Variants in CTDSPL2 observed in about 807,000 individuals in gnomAD.
CTDSPL2 encodes the protein CTD small phosphatase-like protein 2.
In CTDSPL2, 5 loss-of-function variants were observed where a neutral mutation model predicts 60.0. That is an observed-to-expected ratio of 0.08 (90% CI 0.04 to 0.18). The LOEUF (loss-of-function observed/expected upper bound fraction) is 0.18, where lower values mean the gene tolerates loss of function less well. Among genes scored for constraint, CTDSPL2 ranks in the 10% least tolerant of loss-of-function variants. The probability of loss-of-function intolerance (pLI) is 1.00; values close to 1 mark genes in which losing one functional copy is unlikely to be tolerated. For synonymous variants in CTDSPL2, 186 were observed against 189.3 expected (o/e 0.98, Z 0.14); for missense variants, 370 against 548.8 (o/e 0.67, Z 3.26).
intron 7 of CTDSPL2, among the ~76,000 whole-genome samples, chr15:44,499,359 C>T (rs1020732212): frequency 6.6e-6 from 1 of 152,020 alleles, no homozygotes; most frequent in Non-Finnish European, 1.5e-5. Context: ...GAGCTGAGAT[C>T]GCACCACTGC....
Position 44,486,716 on chromosome 15 carries a change from T to G in CTDSPL2, c.475+16T>G. On this transcript the variant is annotated intron_variant, in intron 4 of 12. Coordinates refer to ENST00000260327, the MANE Select transcript of CTDSPL2 (RefSeq NM_016396.3). The stretch of plus-strand genomic sequence containing the variant: ...AATAAAAATGGTAAGTATAAACTGT[T>G]AACTGTGATTTGGATTTTTTTTAAA... The G allele has an allele frequency of 1.3e-6, 2 of 1,497,972 alleles. No homozygotes were observed. Among genetic ancestry groups the G allele is most frequent in the Middle Eastern group, 1.7e-4 (1 of 5,726 alleles). 92.8% of individuals were successfully genotyped at this position (1,497,972 alleles called of 1,614,324 possible). A position where few individuals can be genotyped will look rare whatever the true frequency, so the allele number is the denominator to read the frequency against.
Position 44,526,468 on chromosome 15 carries a change from GGA to G in CTDSPL2, c.*2298_*2299del, listed in dbSNP as rs1365364966. On this transcript the variant is annotated 3_prime_UTR_variant, in exon 13 of 13. Transcript: ENST00000260327. ...TAAAGTTGTTTTCAGTCCCACACTAGGAGAGTTCCTTTAAGTCAGCTGATCAA... is the reference window on the plus strand; with the variant it reads ...TAAAGTTGTTTTCAGTCCCACACTAGGAGTTCCTTTAAGTCAGCTGATCAA... 6.6e-6 allele frequency: 1 copy of G among 152,084 alleles called. No individual in the cohort carries two copies. Among genetic ancestry groups the G allele is most frequent in the African/African-American group, 2.4e-5 (1 of 41,442 alleles). 9.4% of individuals were successfully genotyped at this position (152,084 alleles called of 1,614,324 possible). A position where few individuals can be genotyped will look rare whatever the true frequency, so the allele number is the denominator to read the frequency against.
chr15:44,458,430 A>T (rs2080494138), intron 1 of CTDSPL2, among the ~76,000 whole-genome samples: 1 of 152,208 alleles, frequency 6.6e-6, no homozygotes, highest in African/African-American at 2.4e-5. Context: ...AAATGTGGTA[A>T]GATAGGACTT....
intron 1 of CTDSPL2, among the ~76,000 whole-genome samples, chr15:44,456,707 A>AT (rs201709565): frequency 0.04 from 6,091 of 151,246 alleles, 167 homozygotes; most frequent in East Asian, 0.1. Flanking sequence ...GGATTCATTG[A>AT]TTTTTTTTAA....
rs575768213 is a variant in CTDSPL2, at chr15:44,499,879, A to G, written c.969+66A>G. The G allele has an allele frequency of 5.7e-6, 5 of 872,268 alleles. No homozygotes were observed. In the African/African-American group the frequency reaches 6.7e-5, roughly 12 times the overall value. The allele number at this position is 872,268 out of a possible 1,614,324, so 54.0% of individuals were successfully genotyped here. On this transcript the variant is annotated intron_variant, in intron 8 of 12. Coordinates refer to ENST00000260327, the MANE Select transcript of CTDSPL2 (RefSeq NM_016396.3). ...ACATTCTGATAAAAAAAACTTTTGT[A>G]TTTTTTTTGTGTGTATGTGACATTA...
chr15:44,512,632 T>G (rs1403568246), intron 8 of CTDSPL2, among the ~76,000 whole-genome samples: 1 of 152,236 alleles, frequency 6.6e-6, no homozygotes, highest in East Asian at 1.9e-4. Flanking sequence ...GGCTACAAAC[T>G]ACACCAAATG....
Position 44,528,005 on chromosome 15 carries a change from CTTAAG to C in CTDSPL2, c.*3835_*3839del, listed in dbSNP as rs1388515357. 1.3e-5 allele frequency: 2 copies of C among 152,238 alleles called. No individual in the cohort carries two copies. Among genetic ancestry groups the C allele is most frequent in the East Asian group, 1.9e-4 (1 of 5,186 alleles). 9.4% of individuals were successfully genotyped at this position (152,238 alleles called of 1,614,324 possible). ...CTCAGTATCTTATATTTAAATGCTA[CTTAAG>C]TTATTATTGGAATCCAAGTCTCACT... On this transcript the variant is annotated 3_prime_UTR_variant, in exon 13 of 13. Transcript: ENST00000260327.
chr15:44,497,001 A>C, intron 6 of CTDSPL2, 26 bp from the exon 7 acceptor site: 2 of 1,396,284 alleles, frequency 1.4e-6, no homozygotes, highest in Non-Finnish European at 2.0e-6. Flanking sequence ...TAAAATGTTG[A>C]AATTTTCTTA....
intron 1 of CTDSPL2, among the ~76,000 whole-genome samples, chr15:44,458,016 A>G (rs936720488): frequency 1.3e-5 from 2 of 152,344 alleles, no homozygotes; most frequent in Non-Finnish European, 2.9e-5. Context: ...GAATTTCTGT[A>G]CATTTAGAGT....
At chr15:44,455,176 C>T (rs1485802854) in intron 1 of CTDSPL2, among the ~76,000 whole-genome samples, 1 of 152,178 alleles carries the variant, frequency 6.6e-6, no homozygotes, top group Non-Finnish European at 1.5e-5. Context: ...ATTTTATTCT[C>T]TTTGAAGCAA....
chr15:44,454,558 A>G lies in CTDSPL2; in HGVS notation c.-24-4433A>G, dbSNP rs141322737. 4.0e-3 allele frequency among the ~76,000 whole-genome samples: 612 copies of G among 152,270 alleles called. 15 individuals are homozygous for G. The highest frequency in any genetic ancestry group is 0.038 in the East Asian group (198 of 5,184). ...TTTCTTCTAGGGTTTTTATGGTTTT[A>G]GGTTTAACATTTAAGTCTTGAATCC... On this transcript the variant is annotated intron_variant, in intron 1 of 12. Transcript: ENST00000260327.
chr15:44,506,412 C>CTT lies in CTDSPL2; in HGVS notation c.969+6619_969+6620dup, dbSNP rs764238056. Among the ~76,000 whole-genome samples, 237 of 112,380 alleles carry CTT rather than the reference C, an allele frequency of 2.1e-3. 5 individuals are homozygous for CTT. The highest frequency in any genetic ancestry group is 6.7e-3 in the African/African-American group (184 of 27,380). 73.7% of individuals were successfully genotyped at this position (112,380 alleles called of 152,430 possible). A position where few individuals can be genotyped will look rare whatever the true frequency, so the allele number is the denominator to read the frequency against. ...TAAGCTTCATTTTATCCTACTTTGACTTTTTTTTTTTTTTTTTTTTTGGAG... is the reference window on the plus strand; with the variant it reads ...TAAGCTTCATTTTATCCTACTTTGACTTTTTTTTTTTTTTTTTTTTTTTGGAG... On this transcript the variant is annotated intron_variant, in intron 8 of 12. Coordinates refer to ENST00000260327, the MANE Select transcript of CTDSPL2 (RefSeq NM_016396.3).
chr15:44,471,866 T>C (rs189998690), intron 2 of CTDSPL2, among the ~76,000 whole-genome samples: 4 of 152,182 alleles, frequency 2.6e-5, no homozygotes, highest in Admixed American at 6.5e-5. Flanking sequence ...GAAACCATAG[T>C]CTATTATGTC....
chr15:44,431,397 C>T (rs2079854445), intron 1 of CTDSPL2, among the ~76,000 whole-genome samples: 1 of 152,198 alleles, frequency 6.6e-6, no homozygotes, highest in Admixed American at 6.5e-5. Context: ...TGTATGACTA[C>T]ATTAATTTTT....
intron 2 of CTDSPL2, among the ~76,000 whole-genome samples, chr15:44,464,939 T>TA (rs1455376364): frequency 2.6e-5 from 4 of 152,046 alleles, no homozygotes; most frequent in Admixed American, 2.6e-4. Context: ...CTCCTGACCT[T>TA]AAGTGATCTG....
In CTDSPL2 at chr15:44,490,926, A is replaced by C; in HGVS notation, c.618A>C (p.Gln206His). The C allele has an allele frequency of 6.2e-7, 1 of 1,614,196 alleles. No homozygotes were observed. ...NGAAYSNQAV[Q>H]VRPSLNNGLE... ...CAGCTTACTCAAATCAAGCAGTTCA[A>C]GTGAGACCATCACTAAACAATGGTT... Residue 206 changes from glutamine to histidine, a missense_variant, in exon 5 of 13, where the codon CAA becomes CAC. Around this residue, in one of 6 missense-constraint regions of CTDSPL2, gnomAD observed 287 missense variants for 296.1 expected, o/e 0.97. Transcript: ENST00000260327.
chr15:44,521,184 G>C (rs2081760777), intron 11 of CTDSPL2, 127 bp from the exon 12 acceptor site: 2 of 503,250 alleles, frequency 4.0e-6, no homozygotes, highest in Non-Finnish European at 7.0e-6. Context: ...AAAGTCTGGT[G>C]ACATTACTTT....
At chr15:44,439,195 C>T (rs1443420256) in intron 1 of CTDSPL2, among the ~76,000 whole-genome samples, 1 of 151,842 alleles carries the variant, frequency 6.6e-6, no homozygotes, top group Non-Finnish European at 1.5e-5. Flanking sequence ...GTCGCCCAGG[C>T]TGGAGTGCAG....
intron 2 of CTDSPL2, among the ~76,000 whole-genome samples, chr15:44,474,321 T>C (rs1431321708): frequency 4.6e-5 from 7 of 152,034 alleles, no homozygotes; most frequent in African/African-American, 1.4e-4. Context: ...TGAAACCCTA[T>C]CTCTAATAAA....
Sources: allele counts gnomAD v4.1 joint callset (sites outside exome capture counted in the v4.1 genomes callset), GRCh38; gene constraint gnomAD v4.1.1; regional missense constraint gnomAD v4.1.1; transcripts MANE v1.5; gene names NCBI Gene and HGNC (gene_info 2026-07-23, HGNC 2026-07-21).